The following FAM222B variants were observed in gnomAD, a reference collection of about 807,000 sequenced individuals.
FAM222B encodes family with sequence similarity 222 member B.
In FAM222B, 12 loss-of-function variants were observed where a neutral mutation model predicts 38.0. The observed-to-expected ratio is 0.32, with a 90% CI of 0.20 to 0.51. The LOEUF (loss-of-function observed/expected upper bound fraction) is 0.51, where lower values mean the gene tolerates loss of function less well. Among genes scored for constraint, FAM222B ranks in the 20% least tolerant of loss-of-function variants. FAM222B has a pLI of 0.97. For missense variants in FAM222B, 716 were observed against 754.2 expected (o/e 0.95, Z 0.59); for synonymous variants, 329 against 317.2 (o/e 1.04, Z -0.40).
intron 1 of FAM222B, among the ~76,000 whole-genome samples, chr17:28,790,160 T>C (rs966569229): frequency 6.6e-6 from 1 of 152,180 alleles, no homozygotes; most frequent in Non-Finnish European, 1.5e-5. Flanking sequence ...TGATATTTCA[T>C]TGAATAAAAC....
At chr17:28,769,428 G>A (rs1335509118) in intron 1 of FAM222B, among the ~76,000 whole-genome samples, 1 of 151,900 alleles carries the variant, frequency 6.6e-6, no homozygotes, top group African/African-American at 2.4e-5. Context: ...TGATCCGCCC[G>A]CCTCGGCCTC....
At position 28,795,092 on chromosome 17, in the gene FAM222B, C is replaced by CA. The variant is rs59433750; in HGVS notation, c.-40-28386dup. Reference sequence around the variant, plus strand: ...TGGGCAATAGAGTGAGACCCTGTTTCAAAAAAAAAAAAAAACCCTAAAATT... The same window carrying CA: ...TGGGCAATAGAGTGAGACCCTGTTTCAAAAAAAAAAAAAAAACCCTAAAATT... On this transcript the variant is annotated intron_variant, in intron 1 of 2. Transcript: ENST00000581407. Among the ~76,000 whole-genome samples the CA allele has an allele frequency of 8.3e-3, 860 of 103,902 alleles. 1 individual carries two copies. Among genetic ancestry groups the CA allele is most frequent in the African/African-American group, 0.012 (347 of 28,782 alleles). 68.2% of individuals were successfully genotyped at this position (103,902 alleles called of 152,430 possible). A position where few individuals can be genotyped will look rare whatever the true frequency, so the allele number is the denominator to read the frequency against.
chr17:28,798,558 A>AT (rs1567851488), intron 1 of FAM222B, among the ~76,000 whole-genome samples: 1 of 151,882 alleles, frequency 6.6e-6, no homozygotes, highest in Non-Finnish European at 1.5e-5. Flanking sequence ...TAATTAGGTA[A>AT]TTTTTTAAAA....
rs1486785016 is a variant in FAM222B, at chr17:28,757,450, G to A, written c.*820C>T. 2 of 151,858 alleles carry A rather than the reference G, an allele frequency of 1.3e-5. No homozygotes were observed. Among genetic ancestry groups the A allele is most frequent in the African/African-American group, 2.4e-5 (1 of 41,302 alleles). 9.4% of individuals were successfully genotyped at this position (151,858 alleles called of 1,614,324 possible). A position where few individuals can be genotyped will look rare whatever the true frequency, so the allele number is the denominator to read the frequency against. On this transcript the variant is annotated 3_prime_UTR_variant, in exon 3 of 3. Transcript: ENST00000581407. ...CTTACCTACCTAATTCCTCAAGTAA[G>A]GTAGATTTTGTTTTTGTTGAGGGGG... is the stretch of plus-strand genomic sequence containing the variant.
chr17:28,807,939 G>A (rs957920959), intron 1 of FAM222B, among the ~76,000 whole-genome samples: 1 of 152,216 alleles, frequency 6.6e-6, no homozygotes, highest in Non-Finnish European at 1.5e-5. Flanking sequence ...ACTTTGTTTT[G>A]AATGGTTTTG....
At chr17:28,762,688 CAGCACTTTGGG>C (rs2035141485) in intron 2 of FAM222B, among the ~76,000 whole-genome samples, 1 of 134,306 alleles carries the variant, frequency 7.4e-6, no homozygotes, top group Non-Finnish European at 1.6e-5. Flanking sequence ...CCTGTAATCC[CAGCACTTTGGG>C]AGGCCGAGGT....
At chr17:28,804,308 C>T (rs2037376160) in intron 1 of FAM222B, among the ~76,000 whole-genome samples, 1 of 152,042 alleles carries the variant, frequency 6.6e-6, no homozygotes, top group Non-Finnish European at 1.5e-5. Flanking sequence ...ATTTACCCTA[C>T]TGGTTGTTTC....
At chr17:28,783,509 A>G (rs2036249466) in intron 1 of FAM222B, among the ~76,000 whole-genome samples, 1 of 100,774 alleles carries the variant, frequency 9.9e-6, no homozygotes, top group Non-Finnish European at 2.3e-5. Context: ...CCCTACCTTC[A>G]TGAGATTTTT....
Position 28,756,684 on chromosome 17 carries a change from T to C in FAM222B, c.*1586A>G, listed in dbSNP as rs1387630847. ...CAGGAAAACAATTGGGAACAATAAA[T>C]TAGGACTTCATGTTGCTATCATTTG... is the stretch of plus-strand genomic sequence containing the variant. On this transcript the variant is annotated 3_prime_UTR_variant, in exon 3 of 3. Transcript: ENST00000581407. The C allele has an allele frequency of 6.6e-6, 1 of 152,264 alleles. No individual in the cohort carries two copies. The highest frequency in any genetic ancestry group is 1.5e-5 in the Non-Finnish European group (1 of 68,002). 9.4% of individuals were successfully genotyped at this position (152,264 alleles called of 1,614,324 possible).
At chr17:28,851,067 T>G (rs1260385330) in intron 1 of FAM222B, among the ~76,000 whole-genome samples, 1 of 151,624 alleles carries the variant, frequency 6.6e-6, no homozygotes, top group Non-Finnish European at 1.5e-5. Flanking sequence ...TGCAGTGAGC[T>G]GAGATCGCAC....
chr17:28,832,554 C>T (rs1270665401), intron 1 of FAM222B, among the ~76,000 whole-genome samples: 1 of 152,224 alleles, frequency 6.6e-6, no homozygotes, highest in Non-Finnish European at 1.5e-5. Context: ...CCTCCATGCA[C>T]AAGCCTTCCT....
At chr17:28,829,806 G>A (rs1242283060) in intron 1 of FAM222B, among the ~76,000 whole-genome samples, 1 of 151,990 alleles carries the variant, frequency 6.6e-6, no homozygotes, top group Non-Finnish European at 1.5e-5. Context: ...TGTGAACACA[G>A]ATTTTTATTT....
At chr17:28,798,839 G>A (rs943263243) in intron 1 of FAM222B, among the ~76,000 whole-genome samples, 5 of 151,798 alleles carry the variant, frequency 3.3e-5, no homozygotes, top group African/African-American at 4.8e-5. Flanking sequence ...GGATAGTCTC[G>A]ATCTCCTGAC....
chr17:28,762,988 C>A (rs1391292030), intron 2 of FAM222B, among the ~76,000 whole-genome samples: 4 of 152,012 alleles, frequency 2.6e-5, no homozygotes, highest in African/African-American at 9.7e-5. Context: ...CCCACACAGG[C>A]ACCCTGACTA....
intron 1 of FAM222B, among the ~76,000 whole-genome samples, chr17:28,835,024 T>TTATGTGTG (rs1167023679): frequency 1.1e-4 from 15 of 132,112 alleles, no homozygotes; most frequent in Admixed American, 3.9e-4. Context: ...TCAGCTAATT[T>TTATGTGTG]TGTGTGTGTG....
At chr17:28,817,386 C>T (rs576837355) in intron 1 of FAM222B, among the ~76,000 whole-genome samples, 2 of 150,952 alleles carry the variant, frequency 1.3e-5, no homozygotes, top group African/African-American at 4.9e-5. Flanking sequence ...GAACTCCAGC[C>T]TGGGCAACAG....
intron 1 of FAM222B, among the ~76,000 whole-genome samples, chr17:28,840,943 A>AGTGCTG: frequency 6.6e-6 from 1 of 151,178 alleles, no homozygotes; most frequent in South Asian, 2.1e-4. Context: ...CCTGGGTGAC[A>AGTGCTG]GAGCAAGACT....
Position 28,758,805 on chromosome 17 carries a change from G to A in FAM222B, c.1154C>T (p.Ala385Val), listed in dbSNP as rs1200526116. ...CGCATGCTTGCCTGTCAGGCCAGGG[G>A]CTGGCGTCCCACTAGCCTCGCTGCA... Reference protein sequence around the residue: ...QMCSEASGTPAPGLTGKHAAG... With the variant: ...QMCSEASGTPVPGLTGKHAAG... Residue 385 changes from alanine to valine, a missense_variant, in exon 3 of 3, where the codon GCC becomes GTC. Coordinates refer to ENST00000581407, the MANE Select transcript of FAM222B (RefSeq NM_001077498.3). The A allele has an allele frequency of 6.3e-7, 1 of 1,580,018 alleles. No homozygotes were observed. Among genetic ancestry groups the A allele is most frequent in the South Asian group, 1.1e-5 (1 of 86,958 alleles).
chr17:28,812,772 C>G (rs1333581179), intron 1 of FAM222B, among the ~76,000 whole-genome samples: 1 of 151,652 alleles, frequency 6.6e-6, no homozygotes, highest in Admixed American at 6.6e-5. Context: ...TCCCCTCCCA[C>G]TTTCTGCCTG....
Sources: gnomAD v4.1 joint callset for allele counts (sites outside exome capture counted in the v4.1 genomes callset) on GRCh38, gnomAD v4.1.1 for gene constraint, MANE v1.5 for transcripts, NCBI Gene and HGNC (gene_info 2026-07-23, HGNC 2026-07-21) for gene names.